Variants in GRM7 observed in about 807,000 individuals in gnomAD.
The protein encoded by GRM7 is metabotropic glutamate receptor 7.
A neutral mutation model predicts 84.5 loss-of-function variants in GRM7; 35 were observed. The ratio of observed to expected loss-of-function variants is 0.41; its 90% confidence interval spans 0.32 to 0.55. GRM7 has a LOEUF of 0.55. Among genes scored for constraint, GRM7 ranks in the 20% least tolerant of loss-of-function variants. The pLI is 0.19. For missense variants in GRM7, 1,003 were observed against 1,194.6 expected (o/e 0.84, Z 2.36); for synonymous variants, 487 against 455.1 (o/e 1.07, Z -0.89).
chr3:6,947,784 A>C (rs947936606), intron 1 of GRM7, among the ~76,000 whole-genome samples: 2 of 152,074 alleles, frequency 1.3e-5, no homozygotes, highest in Non-Finnish European at 2.9e-5. Flanking sequence ...TAGTCTTGGG[A>C]GAGTGTATGT....
intron 1 of GRM7, among the ~76,000 whole-genome samples, chr3:7,085,294 T>A (rs1288836044): frequency 6.6e-6 from 1 of 152,226 alleles, no homozygotes; most frequent in African/African-American, 2.4e-5. Context: ...TTATATATCA[T>A]GTTATCTATT....
chr3:7,127,195 G>A (rs1172220897), intron 1 of GRM7, among the ~76,000 whole-genome samples: 2 of 152,190 alleles, frequency 1.3e-5, no homozygotes, highest in African/African-American at 4.8e-5. Flanking sequence ...CACAGTTCTA[G>A]ACAGCAACCA....
At chr3:6,961,990 C>T (rs558509555) in intron 1 of GRM7, among the ~76,000 whole-genome samples, 43 of 152,172 alleles carry the variant, frequency 2.8e-4, no homozygotes, top group Non-Finnish European at 5.9e-4. Flanking sequence ...AGAAAAACTC[C>T]TTGAAAGAAA....
At chr3:7,646,231 G>A (rs1483297925) in intron 8 of GRM7, among the ~76,000 whole-genome samples, 1 of 151,990 alleles carries the variant, frequency 6.6e-6, no homozygotes, top group Non-Finnish European at 1.5e-5. Flanking sequence ...TCACTCTGTT[G>A]CCCAGGCTGG....
chr3:6,920,365 G>A (rs918265445), intron 1 of GRM7, among the ~76,000 whole-genome samples: 1 of 152,056 alleles, frequency 6.6e-6, no homozygotes, highest in Non-Finnish European at 1.5e-5. Flanking sequence ...GACCAGCCTG[G>A]CCAACATGGT....
intron 2 of GRM7, among the ~76,000 whole-genome samples, chr3:7,236,620 T>G (rs1471199343): frequency 6.6e-6 from 1 of 152,210 alleles, no homozygotes; most frequent in Non-Finnish European, 1.5e-5. Context: ...TTTCTGTCTT[T>G]GAATCCTGCC....
intron 5 of GRM7, among the ~76,000 whole-genome samples, chr3:7,427,294 C>T (rs1696649408): frequency 6.6e-6 from 1 of 152,126 alleles, no homozygotes; most frequent in African/African-American, 2.4e-5. Context: ...CAGCTTTGAC[C>T]ACATCTTCTC....
At position 7,341,653 on chromosome 3, in the gene GRM7, T is replaced by C. The variant is rs147768671; in HGVS notation, c.1033+35001T>C. ...CAAAAGTCTTTTTGTCTTTTTAAAC[T>C]GTTTTCCAATAGCACTTAGCAAGTT... On this transcript the variant is annotated intron_variant, in intron 4 of 9. Coordinates refer to ENST00000357716, the MANE Select transcript of GRM7 (RefSeq NM_000844.4). Among the ~76,000 whole-genome samples, 1,217 of 152,274 alleles carry C rather than the reference T, an allele frequency of 8.0e-3. 3 individuals are homozygous for C. Among genetic ancestry groups the C allele is most frequent in the Middle Eastern group, 0.027 (8 of 294 alleles).
intron 4 of GRM7, among the ~76,000 whole-genome samples, chr3:7,320,681 AGTGT>A (rs56313913): frequency 0.017 from 2,397 of 141,212 alleles, 32 homozygotes; most frequent in Non-Finnish European, 0.025. Flanking sequence ...GTGGGTGATC[AGTGT>A]GTGTGTGTGT....
At chr3:7,212,196 C>CTTT (rs35580518) in intron 2 of GRM7, among the ~76,000 whole-genome samples, 1 of 145,256 alleles carries the variant, frequency 6.9e-6, no homozygotes, top group Non-Finnish European at 1.5e-5. Flanking sequence ...TCCTTTGGGT[C>CTTT]TTTTTTTTTT....
intron 8 of GRM7, among the ~76,000 whole-genome samples, chr3:7,639,633 C>A (rs1051079014): frequency 6.6e-6 from 1 of 152,074 alleles, no homozygotes; most frequent in African/African-American, 2.4e-5. Context: ...ACTCCTACTA[C>A]CTTTTTAAAT....
chr3:7,132,958 T>G (rs1019258797), intron 1 of GRM7, among the ~76,000 whole-genome samples: 4 of 152,212 alleles, frequency 2.6e-5, no homozygotes, highest in African/African-American at 7.2e-5. Context: ...ATCGATTTTT[T>G]TTTTACTAGA....
intron 4 of GRM7, among the ~76,000 whole-genome samples, chr3:7,378,554 C>T (rs767350318): frequency 6.6e-5 from 10 of 152,150 alleles, no homozygotes; most frequent in Non-Finnish European, 1.3e-4. Flanking sequence ...TCTTCTTGAA[C>T]TTCTCTTTAT....
chr3:7,578,083 C>T (rs1320077350), intron 7 of GRM7, among the ~76,000 whole-genome samples: 1 of 152,150 alleles, frequency 6.6e-6, no homozygotes, highest in African/African-American at 2.4e-5. Flanking sequence ...GTTATCTGCT[C>T]ACAAGAATCC....
chr3:7,155,376 G>C (rs995718), intron 2 of GRM7, among the ~76,000 whole-genome samples: 2 of 151,840 alleles, frequency 1.3e-5, no homozygotes, highest in Admixed American at 1.3e-4. Flanking sequence ...GCTCCCCACT[G>C]TTCCACCCCC....
intron 1 of GRM7, among the ~76,000 whole-genome samples, chr3:7,093,098 C>T (rs1698726591): frequency 6.6e-6 from 1 of 152,050 alleles, no homozygotes; most frequent in Admixed American, 6.6e-5. Context: ...GCGACAACAA[C>T]AATAAAAAGG....
intron 1 of GRM7, among the ~76,000 whole-genome samples, chr3:6,936,415 A>G (rs1019139013): frequency 6.6e-6 from 1 of 152,140 alleles, no homozygotes; most frequent in Non-Finnish European, 1.5e-5. Context: ...CTTCTGTGTT[A>G]TCCAATGAGC....
chr3:7,332,908 A>T lies in GRM7; in HGVS notation c.1033+26256A>T, dbSNP rs1559243271. Among the ~76,000 whole-genome samples, 3 of 152,140 alleles carry T rather than the reference A, an allele frequency of 2.0e-5. No homozygotes were observed. In the East Asian group the frequency reaches 5.8e-4, roughly 29 times the overall value. ...TGGTAGCTAAAGGCAACAGACATAA[A>T]CTTTTGGGAGCTCTATGGCTCCTCC... On this transcript the variant is annotated intron_variant, in intron 4 of 9. Coordinates refer to ENST00000357716, the MANE Select transcript of GRM7 (RefSeq NM_000844.4).
chr3:6,949,293 T>A (rs888687220), intron 1 of GRM7, among the ~76,000 whole-genome samples: 1 of 152,154 alleles, frequency 6.6e-6, no homozygotes, highest in African/African-American at 2.4e-5. Context: ...TGTAAAGTAT[T>A]TTATTTTTCC....
Sources: allele counts gnomAD v4.1 joint callset (sites outside exome capture counted in the v4.1 genomes callset), GRCh38; gene constraint gnomAD v4.1.1; transcripts MANE v1.5; gene names NCBI Gene and HGNC (gene_info 2026-07-23, HGNC 2026-07-21).